MGAT4A: variants seen among roughly 807,000 people sequenced by gnomAD.
MGAT4A encodes the protein alpha-1,3-mannosyl-glycoprotein 4-beta-N-acetylglucosaminyltransferase A.
A neutral mutation model predicts 74.1 loss-of-function variants in MGAT4A; 33 were observed. The ratio of observed to expected loss-of-function variants is 0.45; its 90% CI spans 0.34 to 0.60. The LOEUF is 0.60. Ranked by LOEUF, MGAT4A falls within the 20% of genes least tolerant of loss-of-function variation. The pLI, the probability that MGAT4A is intolerant of heterozygous loss-of-function variation, is 0.02. For synonymous variants in MGAT4A, 198 were observed against 210.4 expected, an observed-to-expected ratio of 0.94 and a Z score of 0.51; for missense variants, 479 against 628.3, an observed-to-expected ratio of 0.76 and a Z score of 2.54.
chr2:98,639,566 T>C (rs992633634), intron 12 of MGAT4A, among the ~76,000 whole-genome samples: 9 of 152,134 alleles, frequency 5.9e-5, no homozygotes, highest in Non-Finnish European at 1.0e-4. Flanking sequence ...AAAATTATAC[T>C]AGATATACTA....
At chr2:98,633,875 TGGGCTAAGA>T (rs1701279492) in intron 14 of MGAT4A, among the ~76,000 whole-genome samples, 1 of 152,202 alleles carries the variant, frequency 6.6e-6, no homozygotes, top group African/African-American at 2.4e-5. Context: ...TTTCTAGAGA[TGGGCTAAGA>T]TACAGCCCAA....
At position 98,623,615 on chromosome 2, in the gene MGAT4A, A is replaced by G. The variant is rs1479479047; in HGVS notation, c.*1951T>C. 6 of 985,220 alleles carry G rather than the reference A, an allele frequency of 6.1e-6. No individual in the cohort carries two copies. The highest frequency in any genetic ancestry group is 7.2e-6 in the Non-Finnish European group (6 of 829,760). 61.0% of individuals were successfully genotyped at this position (985,220 alleles called of 1,614,324 possible). A position where few individuals can be genotyped will look rare whatever the true frequency, so the allele number is the denominator to read the frequency against. On this transcript the variant is annotated 3_prime_UTR_variant, in exon 16 of 16. Transcript: ENST00000393487. ...AGAAAGTGAAAAGTAAATTTAAAAC[A>G]TCCTAATAAAAAAATTTCAACTGGC... is the stretch of plus-strand genomic sequence containing the variant.
At chr2:98,688,167 T>C (rs1702152278) in intron 2 of MGAT4A, among the ~76,000 whole-genome samples, 1 of 152,186 alleles carries the variant, frequency 6.6e-6, no homozygotes, top group African/African-American at 2.4e-5. Flanking sequence ...TCTTCTATTT[T>C]TAAGGACTGA....
chr2:98,729,842 A>G (rs1018774722), intron 1 of MGAT4A, among the ~76,000 whole-genome samples: 24 of 152,228 alleles, frequency 1.6e-4, no homozygotes, highest in Non-Finnish European at 2.5e-4. Context: ...TGGAATCAAT[A>G]AAATCCATGA....
chr2:98,658,140 G>A (rs1701684725), intron 6 of MGAT4A, 78 bp downstream of exon 6: 10 of 861,002 alleles, frequency 1.2e-5, no homozygotes, highest in Non-Finnish European at 1.9e-5. Context: ...TATCAAGGAA[G>A]GCATTTTCTT....
intron 5 of MGAT4A, among the ~76,000 whole-genome samples, 155 bp downstream of exon 5, chr2:98,662,891 A>G (rs1028144): frequency 0.56 from 85,946 of 152,120 alleles, 27,151 homozygotes; most frequent in African/African-American, 0.85. Flanking sequence ...AAGTGAGTTC[A>G]ATTTACATTA....
intron 1 of MGAT4A, among the ~76,000 whole-genome samples, chr2:98,728,181 T>C (rs1702792399): frequency 6.6e-6 from 1 of 152,226 alleles, no homozygotes; most frequent in African/African-American, 2.4e-5. Context: ...TGTATGTTTA[T>C]ACAACTTTAA....
At chr2:98,691,123 T>C (rs1397379976) in intron 2 of MGAT4A, among the ~76,000 whole-genome samples, 1 of 152,090 alleles carries the variant, frequency 6.6e-6, no homozygotes, top group East Asian at 1.9e-4. Context: ...GTGGGAAAAG[T>C]ACAGTCCTGC....
rs189363674 is a variant in MGAT4A at position 98,711,215 on chromosome 2, G to A, written c.94+15024C>T. On this transcript the variant is annotated intron_variant, in intron 2 of 15. Coordinates refer to ENST00000393487, the MANE Select transcript of MGAT4A (RefSeq NM_012214.3). Reference sequence around the variant, plus strand: ...GCCTGGGCAAAACTAAAATCTATATGATAAATTTGAGCTCAAAAGGCCTCA... The same window carrying A: ...GCCTGGGCAAAACTAAAATCTATATAATAAATTTGAGCTCAAAAGGCCTCA... Among the ~76,000 whole-genome samples the A allele has an allele frequency of 6.5e-5, 9 of 137,976 alleles. 1 individual carries two copies. In the East Asian group the frequency reaches 2.0e-3, roughly 31 times the overall value. The allele number at this position is 137,976 out of a possible 152,430, so 90.5% of individuals were successfully genotyped here. A position where few individuals can be genotyped will look rare whatever the true frequency, so the allele number is the denominator to read the frequency against.
intron 2 of MGAT4A, among the ~76,000 whole-genome samples, chr2:98,679,423 A>AAGAAAG (rs1702025481): frequency 1.3e-5 from 2 of 148,938 alleles, no homozygotes. Flanking sequence ...AAAAAAAAAA[A>AAGAAAG]AAAAAAGAGA....
chr2:98,709,379 A>G (rs913895197), intron 2 of MGAT4A, among the ~76,000 whole-genome samples: 1 of 152,158 alleles, frequency 6.6e-6, no homozygotes, highest in Admixed American at 6.5e-5. Flanking sequence ...TTTATTACTG[A>G]TTTAAAAAGG....
rs148557756 is a variant in MGAT4A, at chr2:98,703,708, C to A, written c.94+22531G>T. Among the ~76,000 whole-genome samples, 1,173 of 152,146 alleles carry A rather than the reference C, an allele frequency of 7.7e-3. 14 individuals carry two copies. Among genetic ancestry groups the A allele is most frequent in the Non-Finnish European group, 9.4e-3 (642 of 68,000 alleles). ...TTTTCCAACTTTATCTCCCACCACA[C>A]CCCCAACACTCCCTACCCCTAACAG... On this transcript the variant is annotated intron_variant, in intron 2 of 15. Transcript: ENST00000393487.
At chr2:98,646,178 T>C (rs545466502) in intron 8 of MGAT4A, among the ~76,000 whole-genome samples, 7 of 152,274 alleles carry the variant, frequency 4.6e-5, no homozygotes, top group African/African-American at 1.2e-4. Context: ...CCAGTTTGAA[T>C]TGGAACTATC....
chr2:98,623,831 T>C lies in MGAT4A; in HGVS notation c.*1735A>G, dbSNP rs1701098992. ...CTGTTGGTTCAGCACATTGGGTAAC[T>C]AGATGAAGCTCCTCCAGGCTAGAGG... is the stretch of plus-strand genomic sequence containing the variant. On this transcript the variant is annotated 3_prime_UTR_variant, in exon 16 of 16. Coordinates refer to ENST00000393487, the MANE Select transcript of MGAT4A (RefSeq NM_012214.3). 2 of 985,320 alleles carry C rather than the reference T, an allele frequency of 2.0e-6. No homozygotes were observed. Among genetic ancestry groups the C allele is most frequent in the African/African-American group, 1.7e-5 (1 of 57,234 alleles). The allele number at this position is 985,320 out of a possible 1,614,324, so 61.0% of individuals were successfully genotyped here.
chr2:98,699,236 G>A (rs1359984247), intron 2 of MGAT4A, among the ~76,000 whole-genome samples: 1 of 152,212 alleles, frequency 6.6e-6, no homozygotes, highest in African/African-American at 2.4e-5. Context: ...CTGCGGGCTG[G>A]TCACATAGGC....
intron 3 of MGAT4A, among the ~76,000 whole-genome samples, chr2:98,677,175 C>T (rs1701985636): frequency 6.6e-6 from 1 of 152,178 alleles, no homozygotes; most frequent in African/African-American, 2.4e-5. Context: ...TCATCTTACT[C>T]TGACCAGGAT....
In MGAT4A at chr2:98,660,444, ACACACACACACAC is replaced by A. The variant is rs1701731116; in HGVS notation, c.538-2193_538-2181del. ...CACACACACACACACACACACACACACACACACACACACAACAAATAGCCAAGGTAATCATGAG... is the reference window on the plus strand; with the variant it reads ...CACACACACACACACACACACACACAAACAAATAGCCAAGGTAATCATGAG... On this transcript the variant is annotated intron_variant, in intron 5 of 15. Transcript: ENST00000393487. Among the ~76,000 whole-genome samples the A allele has an allele frequency of 2.8e-5, 3 of 107,544 alleles. No homozygotes were observed. In the Admixed American group the frequency reaches 2.8e-4, roughly 10 times the overall value. 70.6% of individuals were successfully genotyped at this position (107,544 alleles called of 152,430 possible).
chr2:98,686,132 T>G (rs1461995167), intron 2 of MGAT4A, among the ~76,000 whole-genome samples: 1 of 152,140 alleles, frequency 6.6e-6, no homozygotes, highest in African/African-American at 2.4e-5. Context: ...TTATCAAGAT[T>G]ATTCTGGTTT....
In MGAT4A at chr2:98,636,586, G is replaced by C; in HGVS notation, c.1332C>G (p.Phe444Leu). Residue 444 changes from phenylalanine (F) to leucine (L), a missense_variant, in exon 13 of 16, where the codon TTC (phenylalanine) becomes TTG (leucine). Phe to Leu is a conservative substitution (Grantham distance 22). This residue lies in a region of MGAT4A where 236 missense variants were observed against 308.2 expected (regional missense o/e 0.77). Transcript: ENST00000393487. ...DKPVNVESYLFHSGNQEHPGD... is the reference protein window; with the variant it reads ...DKPVNVESYLLHSGNQEHPGD... ...CAGGATGTTCTTGGTTGCCGCTATGGAACAAATAACTGAAAATACAAACAT... is the reference window on the plus strand; with the variant it reads ...CAGGATGTTCTTGGTTGCCGCTATGCAACAAATAACTGAAAATACAAACAT... 2 of 1,612,896 alleles carry C rather than the reference G, an allele frequency of 1.2e-6. No homozygotes were observed.
Sources: gnomAD v4.1 joint callset for allele counts (sites outside exome capture counted in the v4.1 genomes callset) on GRCh38, gnomAD v4.1.1 for gene constraint, gnomAD v4.1.1 regional missense constraint, MANE v1.5 for transcripts, NCBI Gene and HGNC (gene_info 2026-07-23, HGNC 2026-07-21) for gene names.